Variants in BORCS8 observed in about 807,000 individuals in gnomAD.
BORCS8 encodes BLOC-1 related complex subunit 8, also known as BLOC-1-related complex subunit 8.
Under a neutral mutation model 18.7 loss-of-function variants are expected in BORCS8, and 13 were observed. The ratio of observed to expected loss-of-function variants is 0.70; its 90% CI spans 0.45 to 1.11. BORCS8 has a LOEUF of 1.11. Among genes scored for constraint, BORCS8 ranks in the 50% least tolerant of loss-of-function variants. The pLI, the probability that BORCS8 is intolerant of heterozygous loss-of-function variation, is 0.00. For synonymous variants in BORCS8, 68 were observed against 64.8 expected (o/e 1.05, Z -0.24); for missense variants, 165 against 165.7 (o/e 1.00, Z 0.02).
Position 19,182,721 on chromosome 19 carries a change from C to A in BORCS8, c.216-38G>T. The A allele has an allele frequency of 6.5e-7, 1 of 1,528,966 alleles. No homozygotes were observed. Among genetic ancestry groups the A allele is most frequent in the East Asian group, 2.5e-5 (1 of 40,636 alleles). The allele number at this position is 1,528,966 out of a possible 1,614,324, so 94.7% of individuals were successfully genotyped here. Reference sequence around the variant, plus strand: ...GACAGGCCTGGTCAGCGCTCCGGACCTGCAGGTAACTGTCCCACACCCCAG... The same window carrying A: ...GACAGGCCTGGTCAGCGCTCCGGACATGCAGGTAACTGTCCCACACCCCAG... On this transcript the variant is annotated intron_variant, in intron 3 of 5. Transcript: ENST00000462790. This position sits in a 1 kb window ranked among gnomAD's most constrained non-coding sequence, Gnocchi z 4.1.
intron 3 of BORCS8, among the ~76,000 whole-genome samples, chr19:19,185,385 A>G (rs541205329): frequency 9.0e-4 from 137 of 152,306 alleles, no homozygotes; most frequent in Middle Eastern, 3.4e-3. Flanking sequence ...GCAAGGGGTC[A>G]GTAACAAAAA....
At chr19:19,183,584 C>T (rs1374582997) in intron 3 of BORCS8, among the ~76,000 whole-genome samples, 3 of 150,804 alleles carry the variant, frequency 2.0e-5, no homozygotes, top group Non-Finnish European at 4.4e-5. Flanking sequence ...TATTTTTTTT[C>T]TTTCTTTTTT....
intron 1 of BORCS8, among the ~76,000 whole-genome samples, chr19:19,189,210 C>T (rs374247144): frequency 9.9e-5 from 15 of 152,220 alleles, no homozygotes; most frequent in African/African-American, 3.4e-4. Flanking sequence ...CAGCAGGGCC[C>T]GCCTTTCCTG....
intron 1 of BORCS8, 67 bp downstream of exon 1, chr19:19,192,014 G>T: frequency 6.5e-7 from 1 of 1,539,482 alleles, no homozygotes; most frequent in Non-Finnish European, 8.8e-7. Flanking sequence ...CTCCGCGCCC[G>T]GCCTTTGTCA....
chr19:19,184,713 C>T (rs2060389527), intron 3 of BORCS8, among the ~76,000 whole-genome samples: 1 of 152,218 alleles, frequency 6.6e-6, no homozygotes, highest in Non-Finnish European at 1.5e-5. Flanking sequence ...AATCCTCCCA[C>T]CTCAGCATCC....
chr19:19,182,087 C>T lies in BORCS8; in HGVS notation c.326+486G>A, dbSNP rs928412590. The stretch of plus-strand genomic sequence containing the variant: ...CCTGGCCCCATCTCCCCCAGCTGGC[C>T]GGCTCCAGCCACAGAAGCCTTCTCG... On this transcript the variant is annotated intron_variant, in intron 4 of 5. Transcript: ENST00000462790. This position sits in a 1 kb window ranked among gnomAD's most constrained non-coding sequence, Gnocchi z 4.1. The T allele has an allele frequency of 3.1e-6, 3 of 976,672 alleles. No individual in the cohort carries two copies. Among genetic ancestry groups the T allele is most frequent in the Non-Finnish European group, 3.7e-6 (3 of 821,844 alleles). The allele number at this position is 976,672 out of a possible 1,614,324, so 60.5% of individuals were successfully genotyped here.
intron 4 of BORCS8, 69 bp from the exon 5 acceptor site, chr19:19,180,830 G>C: frequency 6.8e-7 from 1 of 1,461,434 alleles, no homozygotes; most frequent in South Asian, 1.4e-5. Flanking sequence ...CAGCTGGCTG[G>C]AGTGTATGTT....
intron 4 of BORCS8, chr19:19,181,819 C>T (rs760234246): frequency 9.1e-5 from 89 of 979,846 alleles, no homozygotes; most frequent in Middle Eastern, 5.2e-4. Flanking sequence ...TGCCAGAACC[C>T]CAATCTGTGG....
intron 5 of BORCS8, chr19:19,177,696 GAGAAAAGAAAAGAAAAGAAAA>G (rs1419009841): frequency 1.2e-4 from 9 of 74,642 alleles, no homozygotes; most frequent in Non-Finnish European, 1.9e-4. Context: ...AAGGAAGGAA[GAGAAAAGAAAAGAAAAGAAAA>G]GAAAAGAAAA....
chr19:19,178,255 T>A (rs1456756448), intron 5 of BORCS8: 1 of 152,364 alleles, frequency 6.6e-6, no homozygotes. Context: ...TCTGGACTTC[T>A]GGGAACATGG....
chr19:19,191,777 C>T (rs1487486285), intron 1 of BORCS8, among the ~76,000 whole-genome samples: 1 of 152,128 alleles, frequency 6.6e-6, no homozygotes, highest in Non-Finnish European at 1.5e-5. Context: ...CGAGATCTCA[C>T]TATGTCACCT....
chr19:19,191,936 G>C (rs1169164221), intron 1 of BORCS8, 145 bp downstream of exon 1: 1 of 958,918 alleles, frequency 1.0e-6, no homozygotes, highest in African/African-American at 1.6e-5. Context: ...CTTTCTACAG[G>C]TTTCAAAACT....
At chr19:19,179,524 AG>A (rs1230967560) in intron 5 of BORCS8, 1 of 152,642 alleles carries the variant, frequency 6.6e-6, no homozygotes, top group African/African-American at 2.4e-5. Context: ...ACAGCTTGAA[AG>A]GCCTACAGAG....
chr19:19,191,870 C>T (rs1189060429), intron 1 of BORCS8, among the ~76,000 whole-genome samples: 4 of 152,202 alleles, frequency 2.6e-5, no homozygotes, highest in Admixed American at 2.6e-4. Flanking sequence ...CCAGCCTCAG[C>T]TACTGAATTC....
chr19:19,186,580 C>T (rs67238925), intron 2 of BORCS8, among the ~76,000 whole-genome samples: 23,938 of 152,178 alleles, frequency 0.16, 2,102 homozygotes, highest in East Asian at 0.37. Context: ...CATACTTCTC[C>T]TTCTTGCTGC....
At chr19:19,190,159 T>C (rs886568230) in intron 1 of BORCS8, among the ~76,000 whole-genome samples, 1 of 152,208 alleles carries the variant, frequency 6.6e-6, no homozygotes, top group Non-Finnish European at 1.5e-5. Flanking sequence ...TTGGCAGGCA[T>C]TTTGTTCCTT....
At chr19:19,190,487 G>T (rs78454476) in intron 1 of BORCS8, among the ~76,000 whole-genome samples, 1 of 152,150 alleles carries the variant, frequency 6.6e-6, no homozygotes, top group Non-Finnish European at 1.5e-5. Flanking sequence ...AGGCCTCCTC[G>T]CTTTGAATGT....
intron 1 of BORCS8, 132 bp downstream of exon 1, chr19:19,191,949 T>G: frequency 9.1e-7 from 1 of 1,100,612 alleles, no homozygotes; most frequent in Non-Finnish European, 1.3e-6. Flanking sequence ...TCAAAACTAG[T>G]CAGCGGCAGA....
chr19:19,185,971 T>C, intron 3 of BORCS8, 63 bp downstream of exon 3: 1 of 1,506,468 alleles, frequency 6.6e-7, no homozygotes, highest in South Asian at 1.2e-5. Flanking sequence ...GGGATGCCCC[T>C]GAATGCCCAG....
Sources: gnomAD v4.1 joint callset for allele counts (sites outside exome capture counted in the v4.1 genomes callset) on GRCh38, gnomAD v4.1.1 for gene constraint, Gnocchi (gnomAD v3.1) non-coding constraint, MANE v1.5 for transcripts, NCBI Gene and HGNC (gene_info 2026-07-23, HGNC 2026-07-21) for gene names.